The following RAP1GDS1 variants were observed in gnomAD, a reference collection of about 807,000 sequenced individuals.
RAP1GDS1 encodes the protein RAP1, GTP-GDP dissociation stimulator 1.
A neutral mutation model predicts 71.1 loss-of-function variants in RAP1GDS1; 35 were observed. The ratio of observed to expected loss-of-function variants is 0.49; its 90% CI spans 0.38 to 0.65. The LOEUF is 0.65. Ranked by LOEUF, RAP1GDS1 falls within the 30% of genes least tolerant of loss-of-function variation. The pLI, the probability that RAP1GDS1 is intolerant of heterozygous loss-of-function variation, is 0.00. For missense variants in RAP1GDS1, 663 were observed against 706.1 expected (o/e 0.94, Z 0.69); for synonymous variants, 229 against 243.1 (o/e 0.94, Z 0.54).
chr4:98,352,293 C>T (rs1236973510), intron 3 of RAP1GDS1, among the ~76,000 whole-genome samples, 183 bp from the exon 4 acceptor site: 1 of 152,086 alleles, frequency 6.6e-6, no homozygotes, highest in African/African-American at 2.4e-5. Context: ...TTTTATGAAG[C>T]TTTTAGTAGG....
chr4:98,276,559 A>C (rs1262469834), intron 1 of RAP1GDS1, among the ~76,000 whole-genome samples: 1 of 150,768 alleles, frequency 6.6e-6, no homozygotes, highest in Non-Finnish European at 1.5e-5. Flanking sequence ...TATTTTTCTT[A>C]AAGTATGTCT....
chr4:98,290,175 T>C (rs1165754488), intron 1 of RAP1GDS1, among the ~76,000 whole-genome samples: 1 of 152,156 alleles, frequency 6.6e-6, no homozygotes, highest in Non-Finnish European at 1.5e-5. Flanking sequence ...AGTAAAGTGA[T>C]AGAATTGATT....
At chr4:98,345,086 G>A (rs555223981) in intron 3 of RAP1GDS1, among the ~76,000 whole-genome samples, 3 of 152,132 alleles carry the variant, frequency 2.0e-5, no homozygotes, top group Admixed American at 6.5e-5. Flanking sequence ...TCCCGCCTTG[G>A]CCTCACAAAG....
In RAP1GDS1 at chr4:98,407,760, C is replaced by G. The variant is rs538241148; in HGVS notation, c.763+3158C>G. On this transcript the variant is annotated intron_variant, in intron 7 of 14. Coordinates refer to ENST00000408927, the MANE Select transcript of RAP1GDS1 (RefSeq NM_001100427.2). Reference sequence around the variant, plus strand: ...TTCAGATGACAGATGACCTAAAATCCTAGACTTTGCCACTATACAATTCAT... The same window carrying G: ...TTCAGATGACAGATGACCTAAAATCGTAGACTTTGCCACTATACAATTCAT... Among the ~76,000 whole-genome samples, 5 of 152,072 alleles carry G rather than the reference C, an allele frequency of 3.3e-5. No homozygotes were observed. The South Asian group carries it at 1.0e-3, about 32-fold the overall frequency.
chr4:98,287,554 T>C (rs1227248667), intron 1 of RAP1GDS1, among the ~76,000 whole-genome samples: 2 of 152,184 alleles, frequency 1.3e-5, no homozygotes, highest in Admixed American at 6.6e-5. Context: ...GCAAAGACCA[T>C]GTATATGAAT....
At chr4:98,437,791 C>CA (rs374755985) in intron 14 of RAP1GDS1, among the ~76,000 whole-genome samples, 14,147 of 124,626 alleles carry the variant, frequency 0.11, 803 homozygotes, top group African/African-American at 0.15. Context: ...GACTCTGTCT[C>CA]AAAAAAAAAA....
intron 2 of RAP1GDS1, among the ~76,000 whole-genome samples, chr4:98,336,343 C>T (rs929435721): frequency 6.6e-6 from 1 of 152,052 alleles, no homozygotes; most frequent in African/African-American, 2.4e-5. Context: ...TGCTTTATGA[C>T]CTACTTAGTG....
intron 4 of RAP1GDS1, among the ~76,000 whole-genome samples, chr4:98,374,345 CTCTT>C (rs1161740612): frequency 6.6e-6 from 1 of 152,120 alleles, no homozygotes; most frequent in Non-Finnish European, 1.5e-5. Flanking sequence ...TTCCATTTAA[CTCTT>C]TCTTACAGTC....
intron 12 of RAP1GDS1, among the ~76,000 whole-genome samples, chr4:98,422,493 G>A (rs577308484): frequency 6.6e-6 from 1 of 152,212 alleles, no homozygotes; most frequent in Admixed American, 6.5e-5. Flanking sequence ...TGGGATTACA[G>A]GCATGAGCCA....
intron 4 of RAP1GDS1, among the ~76,000 whole-genome samples, chr4:98,376,520 A>C (rs1199186516): frequency 6.6e-6 from 1 of 152,068 alleles, no homozygotes. Context: ...AAGATGACTT[A>C]TGTCACTGGT....
At position 98,433,917 on chromosome 4, in the gene RAP1GDS1, C is replaced by T; in HGVS notation, c.1441-19C>T. The T allele has an allele frequency of 6.3e-7, 1 of 1,588,424 alleles. No individual in the cohort carries two copies. The highest frequency in any genetic ancestry group is 8.6e-7 in the Non-Finnish European group (1 of 1,159,216). Reference sequence around the variant, plus strand: ...GTTTAAAATTAAAGTCTATAATTCTCTGATATTATTTATTGTAGGATGTAA... The same window carrying T: ...GTTTAAAATTAAAGTCTATAATTCTTTGATATTATTTATTGTAGGATGTAA... On this transcript the variant is annotated intron_variant, in intron 12 of 14. Transcript: ENST00000408927.
intron 12 of RAP1GDS1, among the ~76,000 whole-genome samples, chr4:98,432,077 C>G (rs920485017): frequency 6.6e-6 from 1 of 152,078 alleles, no homozygotes; most frequent in African/African-American, 2.4e-5. Context: ...TGCTATCCCT[C>G]CCCGCTCCCC....
At chr4:98,314,061 C>A (rs1343605492) in intron 2 of RAP1GDS1, among the ~76,000 whole-genome samples, 2 of 152,014 alleles carry the variant, frequency 1.3e-5, no homozygotes, top group Admixed American at 6.6e-5. Context: ...GTGTTATACA[C>A]CTTTTCATTG....
chr4:98,404,094 A>G (rs949766433), intron 6 of RAP1GDS1, among the ~76,000 whole-genome samples: 2 of 152,214 alleles, frequency 1.3e-5, no homozygotes, highest in Admixed American at 1.3e-4. Context: ...AATAGTAGAT[A>G]TGTCAGGACC....
At chr4:98,317,867 A>C (rs915876814) in intron 2 of RAP1GDS1, among the ~76,000 whole-genome samples, 1 of 146,410 alleles carries the variant, frequency 6.8e-6, no homozygotes, top group African/African-American at 2.5e-5. Context: ...TTTGAGACAG[A>C]ATCTTGCTCT....
intron 6 of RAP1GDS1, among the ~76,000 whole-genome samples, chr4:98,403,648 G>A (rs895488504): frequency 3.9e-5 from 6 of 152,184 alleles, no homozygotes; most frequent in Non-Finnish European, 8.8e-5. Flanking sequence ...ACACAGAGAT[G>A]CTGTTTGGTG....
At chr4:98,429,174 C>T (rs1253089559) in intron 12 of RAP1GDS1, among the ~76,000 whole-genome samples, 1 of 150,560 alleles carries the variant, frequency 6.6e-6, no homozygotes, top group Non-Finnish European at 1.5e-5. Context: ...AGGAGGATGG[C>T]GTGAACCCGG....
chr4:98,386,969 T>G (rs1465298437), intron 5 of RAP1GDS1, among the ~76,000 whole-genome samples: 1 of 152,140 alleles, frequency 6.6e-6, no homozygotes, highest in Non-Finnish European at 1.5e-5. Flanking sequence ...TTTTCTTCAG[T>G]CTTTATTATG....
At position 98,379,083 on chromosome 4, in the gene RAP1GDS1, T is replaced by C. The variant is rs1741596870; in HGVS notation, c.428T>C (p.Leu143Pro). 6.2e-7 allele frequency: 1 copy of C among 1,611,040 alleles called. No individual in the cohort carries two copies. The highest frequency in any genetic ancestry group is 8.5e-7 in the Non-Finnish European group (1 of 1,178,278). The change falls in exon 5 of 15, where the codon CTG becomes CCG. Residue 143 changes from leucine (L) to proline (P), a missense_variant. Transcript: ENST00000408927. ...ATTGTAATTGACCATTTAAGGTCAC[T>C]GTGCAGTATAACAGATCCCGCCAAT... is the stretch of plus-strand genomic sequence containing the variant. Reference protein sequence around the residue: ...AQIVIDHLRSLCSITDPANEK... With the variant: ...AQIVIDHLRSPCSITDPANEK...
Sources: gnomAD v4.1 joint callset for allele counts (sites outside exome capture counted in the v4.1 genomes callset) on GRCh38, gnomAD v4.1.1 for gene constraint, MANE v1.5 for transcripts, NCBI Gene and HGNC (gene_info 2026-07-23, HGNC 2026-07-21) for gene names.